The following WDR37 variants were observed in gnomAD, a reference collection of about 807,000 sequenced individuals.
WDR37 encodes the protein WD repeat-containing protein 37.
In WDR37, 19 loss-of-function variants were observed where a neutral mutation model predicts 62.9. The observed-to-expected ratio is 0.30, with a 90% CI of 0.21 to 0.44. WDR37 has a LOEUF of 0.44. Ranked by LOEUF, WDR37 falls within the 20% of genes least tolerant of loss-of-function variation. The pLI, the probability that WDR37 is intolerant of heterozygous loss-of-function variation, is 1.00. For missense variants in WDR37, 474 were observed against 657.6 expected (o/e 0.72, Z 3.05); for synonymous variants, 250 against 260.9 (o/e 0.96, Z 0.40).
chr10:1,077,764 C>T lies in WDR37; in HGVS notation c.139-143C>T. Reference sequence around the variant, plus strand: ...CTTGGCAGAAATTTGGAACTTTAAACTCTTTAAGCATTTTATATATAAAAA... The same window carrying T: ...CTTGGCAGAAATTTGGAACTTTAAATTCTTTAAGCATTTTATATATAAAAA... On this transcript the variant is annotated intron_variant, in intron 2 of 13. Coordinates refer to ENST00000263150, the MANE Select transcript of WDR37 (RefSeq NM_014023.4). 6.2e-6 allele frequency: 4 copies of T among 649,912 alleles called. No homozygotes were observed. The South Asian group carries it at 9.2e-5, about 15-fold the overall frequency. 40.3% of individuals were successfully genotyped at this position (649,912 alleles called of 1,614,324 possible).
At chr10:1,074,488 T>C in intron 2 of WDR37, 1 of 1,304,342 alleles carries the variant, frequency 7.7e-7, no homozygotes, top group South Asian at 1.2e-5. Context: ...TGATTCGGAG[T>C]GGGACCGGTC....
intron 1 of WDR37, among the ~76,000 whole-genome samples, chr10:1,067,095 T>C (rs1349869062): frequency 3.3e-5 from 5 of 152,284 alleles, no homozygotes; most frequent in South Asian, 4.1e-4. Flanking sequence ...AGGATAAATA[T>C]GTAGATCGGT....
Position 1,092,121 on chromosome 10 carries a change from A to C in WDR37, c.605-1331A>C, listed in dbSNP as rs372461462. On this transcript the variant is annotated intron_variant, in intron 7 of 13. Coordinates refer to ENST00000263150, the MANE Select transcript of WDR37 (RefSeq NM_014023.4). ...CATGAACCTGGGAGGCGGAGCTTGC[A>C]GTGAGCTGAGATCGCGCCACTGCAC... Among the ~76,000 whole-genome samples, 16 of 147,030 alleles carry C rather than the reference A, an allele frequency of 1.1e-4. No homozygotes were observed. In the East Asian group the frequency reaches 2.8e-3, roughly 26 times the overall value.
chr10:1,099,881 T>C (rs1315413691), intron 9 of WDR37, among the ~76,000 whole-genome samples: 1 of 146,444 alleles, frequency 6.8e-6, no homozygotes, highest in Admixed American at 6.9e-5. Flanking sequence ...AAATGTGCGC[T>C]GATGGCGGGC....
chr10:1,084,361 C>A, intron 5 of WDR37, 42 bp from the exon 6 acceptor site: 1 of 1,588,548 alleles, frequency 6.3e-7, no homozygotes, highest in Non-Finnish European at 8.6e-7. Flanking sequence ...GAAAAATTTA[C>A]TTCAGTAAAT....
intron 11 of WDR37, among the ~76,000 whole-genome samples, chr10:1,108,115 A>G (rs559087820): frequency 1.0e-4 from 16 of 152,392 alleles, no homozygotes; most frequent in African/African-American, 3.8e-4. Flanking sequence ...TGTTCTCCTA[A>G]TACAGTACCA....
Position 1,124,356 on chromosome 10 carries a change from AAGTCAAAC to A in WDR37, c.1238+5_1238+12del, listed in dbSNP as rs1461639491. On this transcript the variant is annotated splice_donor_5th_base_variant and intron_variant, in intron 12 of 13. Coordinates refer to ENST00000263150, the MANE Select transcript of WDR37 (RefSeq NM_014023.4). ...GCACGGACTCTGCCATTAACAGGTAAAGTCAAACTGTTGGTTAAGTAAGTGGCTTAGTT... is the reference window on the plus strand; with the variant it reads ...GCACGGACTCTGCCATTAACAGGTAATGTTGGTTAAGTAAGTGGCTTAGTT... 6.2e-7 allele frequency: 1 copy of A among 1,614,162 alleles called. No homozygotes were observed. The highest frequency in any genetic ancestry group is 1.1e-5 in the South Asian group (1 of 91,080).
chr10:1,089,693 C>T (rs1243234726), intron 7 of WDR37, among the ~76,000 whole-genome samples: 3 of 150,594 alleles, frequency 2.0e-5, no homozygotes, highest in Non-Finnish European at 4.4e-5. Context: ...ACCCGCAGTT[C>T]GGCCTTCCCG....
chr10:1,082,532 C>G (rs1027435171), intron 5 of WDR37, among the ~76,000 whole-genome samples: 1 of 152,202 alleles, frequency 6.6e-6, no homozygotes, highest in African/African-American at 2.4e-5. Context: ...GCAGTTCAAA[C>G]GATCTGGGAT....
intron 9 of WDR37, among the ~76,000 whole-genome samples, chr10:1,100,269 CTT>C (rs1232077564): frequency 6.9e-6 from 1 of 144,304 alleles, no homozygotes; most frequent in Admixed American, 7.0e-5. Context: ...TGTGCTGTGA[CTT>C]GAGCTGTCCT....
intron 5 of WDR37, among the ~76,000 whole-genome samples, chr10:1,081,262 G>T (rs1486628766): frequency 3.9e-5 from 6 of 152,148 alleles, no homozygotes; most frequent in South Asian, 2.1e-4. Flanking sequence ...AGTGGAAAGG[G>T]TTTAATTGTT....
chr10:1,086,949 C>T (rs1411278502), intron 7 of WDR37, among the ~76,000 whole-genome samples: 1 of 152,258 alleles, frequency 6.6e-6, no homozygotes, highest in Non-Finnish European at 1.5e-5. Flanking sequence ...GCCCTCTTCA[C>T]TTGCTCACTC....
At chr10:1,099,891 C>CGTGGTGGA (rs1265365608) in intron 9 of WDR37, among the ~76,000 whole-genome samples, 1 of 129,792 alleles carries the variant, frequency 7.7e-6, no homozygotes, top group South Asian at 2.6e-4. Context: ...TGATGGCGGG[C>CGTGGTGGA]GTGGTGGAGT....
chr10:1,075,620 A>C (rs1462739725), intron 2 of WDR37, among the ~76,000 whole-genome samples: 2 of 151,992 alleles, frequency 1.3e-5, no homozygotes, highest in African/African-American at 4.8e-5. Context: ...CTGTAGGAGG[A>C]GATTGGCCTT....
intron 1 of WDR37, among the ~76,000 whole-genome samples, chr10:1,067,223 A>G (rs1833581028): frequency 6.6e-6 from 1 of 152,232 alleles, no homozygotes; most frequent in African/African-American, 2.4e-5. Flanking sequence ...AGGCTGGGAT[A>G]ATTGGATACA....
chr10:1,106,423 A>G (rs937263389), intron 11 of WDR37, among the ~76,000 whole-genome samples: 1 of 152,092 alleles, frequency 6.6e-6, no homozygotes, highest in Non-Finnish European at 1.5e-5. Context: ...AAATATGAAA[A>G]TCTGTTTTAT....
intron 2 of WDR37, chr10:1,074,241 C>A: frequency 1.1e-6 from 1 of 952,036 alleles, no homozygotes; most frequent in Non-Finnish European, 1.4e-6. Flanking sequence ...AACCCTGCAG[C>A]CTCCCCTGCT....
intron 1 of WDR37, among the ~76,000 whole-genome samples, chr10:1,066,051 G>T (rs958825639): frequency 2.0e-5 from 3 of 151,726 alleles, no homozygotes; most frequent in African/African-American, 7.2e-5. Flanking sequence ...TAAAAGTACA[G>T]TATCATTTAA....
rs1835573592 is a variant in WDR37, at chr10:1,121,408, CCTT to C, written c.1104-2807_1104-2805del. Among the ~76,000 whole-genome samples the C allele has an allele frequency of 1.3e-5, 2 of 152,182 alleles. No individual in the cohort carries two copies. ...CGAAGTCCTCTAAGCCTCATTGTAACCTTCTCACTGAAGCGTGGCAGCGTCTGA... is the reference window on the plus strand; with the variant it reads ...CGAAGTCCTCTAAGCCTCATTGTAACCTCACTGAAGCGTGGCAGCGTCTGA... On this transcript the variant is annotated intron_variant, in intron 11 of 13. Transcript: ENST00000263150. This position sits in a 1 kb window ranked among gnomAD's most constrained non-coding sequence, Gnocchi z 4.5.
Sources: gnomAD v4.1 joint callset for allele counts (sites outside exome capture counted in the v4.1 genomes callset) on GRCh38, gnomAD v4.1.1 for gene constraint, Gnocchi (gnomAD v3.1) non-coding constraint, MANE v1.5 for transcripts, NCBI Gene and HGNC (gene_info 2026-07-23, HGNC 2026-07-21) for gene names.